The following MINK1 variants were observed in gnomAD, a reference collection of about 807,000 sequenced individuals.
The protein encoded by MINK1 is misshapen-like kinase 1.
In MINK1, 46 loss-of-function variants were observed where a neutral mutation model predicts 178.4. The observed-to-expected ratio is 0.26, with a 90% CI of 0.20 to 0.33. MINK1 has a LOEUF of 0.33. Among genes scored for constraint, MINK1 ranks in the 10% least tolerant of loss-of-function variants. The pLI, the probability that MINK1 is intolerant of heterozygous loss-of-function variation, is 1.00. For synonymous variants in MINK1, 797 were observed against 709.7 expected, an observed-to-expected ratio of 1.12 and a Z score of -1.96; for missense variants, 1,366 against 1,814.9, an observed-to-expected ratio of 0.75 and a Z score of 4.49.
At chr17:4,859,280 C>G in intron 1 of MINK1, 1 of 985,390 alleles carries the variant, frequency 1.0e-6, no homozygotes. Flanking sequence ...CTTAATGGAC[C>G]TTTCCAGCAC....
chr17:4,847,030 T>C (rs1911142223), intron 1 of MINK1: 2 of 375,322 alleles, frequency 5.3e-6, no homozygotes, highest in Admixed American at 6.7e-5. Flanking sequence ...AAGTTAACAA[T>C]GAACATACCT....
intron 1 of MINK1, among the ~76,000 whole-genome samples, chr17:4,840,008 G>A (rs551115016): frequency 7.0e-4 from 105 of 150,660 alleles, no homozygotes; most frequent in African/African-American, 2.4e-3. Flanking sequence ...GATAAGGACT[G>A]TAGTGAAAAC....
Position 4,892,441 on chromosome 17 carries a change from G to A in MINK1, c.2127G>A (p.Arg709=), listed in dbSNP as rs1340966449. Residue 709 remains arginine, a synonymous_variant, in exon 18 of 32, where the codon AGG becomes AGA. Transcript: ENST00000355280. ...SNSAWQIYLQ[R]RAERGTPKPP... is the part of the protein sequence containing the mutation. ...CCGCCTGGCAAATCTATCTGCAAAGGCGGGCAGAGCGGGGCACCCCAAAGC... is the reference window on the plus strand; with the variant it reads ...CCGCCTGGCAAATCTATCTGCAAAGACGGGCAGAGCGGGGCACCCCAAAGC... The A allele has an allele frequency of 6.4e-7, 1 of 1,563,948 alleles. No homozygotes were observed. The highest frequency in any genetic ancestry group is 2.4e-5 in the East Asian group (1 of 41,606).
chr17:4,855,434 T>C (rs1357523159), intron 1 of MINK1, among the ~76,000 whole-genome samples: 3 of 127,320 alleles, frequency 2.4e-5, no homozygotes, highest in Non-Finnish European at 3.2e-5. Context: ...TGCAGTGAGC[T>C]GAGATTGTGG....
intron 1 of MINK1, among the ~76,000 whole-genome samples, chr17:4,867,075 A>AATAATG (rs1410076968): frequency 2.8e-4 from 1 of 3,612 alleles, no homozygotes; most frequent in Non-Finnish European, 1.3e-3. Context: ...CTCGTCTCAA[A>AATAATG]ATAATAATAA....
intron 1 of MINK1, chr17:4,857,208 A>G: frequency 3.2e-6 from 1 of 315,966 alleles, no homozygotes; most frequent in South Asian, 2.9e-5. Context: ...GACCACTGGG[A>G]TGATGGACTT....
intron 15 of MINK1, 102 bp downstream of exon 15, chr17:4,891,226 C>CACACACACA: frequency 1.2e-6 from 1 of 848,258 alleles, no homozygotes; most frequent in Non-Finnish European, 1.6e-6. Context: ...ACACACACAC[C>CACACACACA]TGCTCAGCCG....
At chr17:4,869,576 G>A (rs897147804) in intron 1 of MINK1, among the ~76,000 whole-genome samples, 6 of 151,646 alleles carry the variant, frequency 4.0e-5, no homozygotes, top group Admixed American at 2.6e-4. Flanking sequence ...TGTACCTGAC[G>A]ATTTTTTCTC....
At chr17:4,893,262 T>C (rs1288390533) in intron 20 of MINK1, 172 bp from the exon 21 acceptor site, 1 of 1,613,562 alleles carries the variant, frequency 6.2e-7, no homozygotes, top group Non-Finnish European at 8.5e-7. Context: ...TTCTGGCTCT[T>C]TCTTCCCCTG....
In MINK1 at chr17:4,896,845, T is replaced by G; in HGVS notation, c.3915+32T>G. The G allele has an allele frequency of 6.5e-7, 1 of 1,535,700 alleles. No individual in the cohort carries two copies. Among genetic ancestry groups the G allele is most frequent in the South Asian group, 1.3e-5 (1 of 77,518 alleles). On this transcript the variant is annotated intron_variant, in intron 31 of 31. Coordinates refer to ENST00000355280, the MANE Select transcript of MINK1 (RefSeq NM_153827.5). The surrounding 1 kb of genome is among the most constrained non-coding windows in gnomAD (Gnocchi z 4.6). ...GGCTCCTTCCCTCTGAAAGCCCTGC[T>G]GTCCCGGCTGCCATGACCCTAGGCC...
Position 4,891,477 on chromosome 17 carries a change from C to T in MINK1, c.1762C>T (p.Pro588Ser), listed in dbSNP as rs1968811399. Reference protein sequence around the residue: ...PHKSLVAHRVPLKPYAAPVPR... With the variant: ...PHKSLVAHRVSLKPYAAPVPR... ...GCAGAGCCTGGTGGCACACCGGGTCCCACTGAAGCCATATGCAGCACCTGT... is the reference window on the plus strand; with the variant it reads ...GCAGAGCCTGGTGGCACACCGGGTCTCACTGAAGCCATATGCAGCACCTGT... The change falls in exon 16 of 32, where the codon CCA becomes TCA. Residue 588 changes from proline to serine, a missense_variant. Physicochemically the swap from Pro to Ser is moderately conservative, Grantham distance 74 (BLOSUM62 -1). This residue lies in a region of MINK1 where 709 missense variants were observed against 692.3 expected (regional missense o/e 1.02). Coordinates refer to ENST00000355280, the MANE Select transcript of MINK1 (RefSeq NM_153827.5). 6.3e-7 allele frequency: 1 copy of T among 1,589,988 alleles called. No individual in the cohort carries two copies. Among genetic ancestry groups the T allele is most frequent in the Non-Finnish European group, 8.6e-7 (1 of 1,163,738 alleles).
At chr17:4,884,565 C>A (rs1968025157) in intron 5 of MINK1, 92 bp downstream of exon 5, 3 of 923,860 alleles carry the variant, frequency 3.2e-6, no homozygotes, top group Non-Finnish European at 5.2e-6. Context: ...TGGGAGGAGA[C>A]ATCACTGCCC....
chr17:4,844,544 C>A (rs1211163365), intron 1 of MINK1: 1 of 506,942 alleles, frequency 2.0e-6, no homozygotes, highest in Non-Finnish European at 3.9e-6. Flanking sequence ...ATACCTGGGT[C>A]TTTTTGAGGT....
In MINK1 at chr17:4,897,336, G is replaced by C. The variant is rs1218481146; in HGVS notation, c.*49G>C. On this transcript the variant is annotated 3_prime_UTR_variant, in exon 32 of 32. Coordinates refer to ENST00000355280, the MANE Select transcript of MINK1 (RefSeq NM_153827.5). ...CCACACTGGACCCAGCTCTCCCCCT[G>C]CAGCCAGGCTTCCCGGGCCGCCCCT... The C allele has an allele frequency of 1.9e-6, 3 of 1,569,462 alleles. No homozygotes were observed. Among genetic ancestry groups the C allele is most frequent in the South Asian group, 1.1e-5 (1 of 89,214 alleles).
chr17:4,844,875 C>G (rs75630236), intron 1 of MINK1, among the ~76,000 whole-genome samples: 2,044 of 152,176 alleles, frequency 0.013, 40 homozygotes, highest in African/African-American at 0.046. Context: ...GTAAGACTTA[C>G]CATTATAACC....
At position 4,890,974 on chromosome 17, in the gene MINK1, C is replaced by G. The variant is rs375739617; in HGVS notation, c.1590C>G (p.Asn530Lys). ...AREVEERTRMNKQQNSPLAKS... is the reference protein window; with the variant it reads ...AREVEERTRMKKQQNSPLAKS... ...AGGTAGAAGAGAGAACAAGGATGAA[C>G]AAGCAGCAGAACTCTCCCTTGGCCA... Residue 530 changes from asparagine (N) to lysine (K), a missense_variant, in exon 15 of 32, where the codon AAC (asparagine) becomes AAG (lysine). Around this residue, in one of 14 missense-constraint regions of MINK1, gnomAD observed 709 missense variants for 692.3 expected, o/e 1.02. Transcript: ENST00000355280. 2.9e-5 allele frequency: 45 copies of G among 1,558,258 alleles called. No homozygotes were observed. Among genetic ancestry groups the G allele is most frequent in the Non-Finnish European group, 3.7e-5 (43 of 1,151,016 alleles).
In MINK1 at chr17:4,885,203, CG is replaced by C. The variant is rs1219532388; in HGVS notation, c.508+204del. Reference sequence around the variant, plus strand: ...GAAGCTCTTCACCTGTCACCTGTTACGGGCCAGGTGCTCTGCAGGTTGCTCT... The same window carrying C: ...GAAGCTCTTCACCTGTCACCTGTTACGGCCAGGTGCTCTGCAGGTTGCTCT... On this transcript the variant is annotated intron_variant, in intron 6 of 31. Transcript: ENST00000355280. This position sits in a 1 kb window ranked among gnomAD's most constrained non-coding sequence, Gnocchi z 5.0. Among the ~76,000 whole-genome samples the C allele has an allele frequency of 6.6e-6, 1 of 152,200 alleles. No homozygotes were observed. The highest frequency in any genetic ancestry group is 1.5e-5 in the Non-Finnish European group (1 of 68,028).
rs1382174921 is a variant in MINK1, at chr17:4,872,463, C to T, written c.58-5854C>T. Among the ~76,000 whole-genome samples the T allele has an allele frequency of 2.0e-5, 3 of 151,856 alleles. No homozygotes were observed. In the East Asian group the frequency reaches 5.8e-4, roughly 29 times the overall value. Reference sequence around the variant, plus strand: ...GACCAGCCTGGGCAACACGGTGAAACCCCGTCTACATAAAAAGTACAAAAA... The same window carrying T: ...GACCAGCCTGGGCAACACGGTGAAATCCCGTCTACATAAAAAGTACAAAAA... On this transcript the variant is annotated intron_variant, in intron 1 of 31. Transcript: ENST00000355280.
chr17:4,858,962 C>T (rs927791379), intron 1 of MINK1, among the ~76,000 whole-genome samples: 5 of 151,784 alleles, frequency 3.3e-5, no homozygotes, highest in East Asian at 1.9e-4. Context: ...TCCCAACACC[C>T]GGGATTCCCC....
Sources: gnomAD v4.1 joint callset for allele counts (sites outside exome capture counted in the v4.1 genomes callset) on GRCh38, gnomAD v4.1.1 for gene constraint, gnomAD v4.1.1 regional missense constraint, Gnocchi (gnomAD v3.1) non-coding constraint, MANE v1.5 for transcripts, NCBI Gene and HGNC (gene_info 2026-07-23, HGNC 2026-07-21) for gene names.